Variants in SERPINA12 observed in about 807,000 individuals in gnomAD.
The protein encoded by SERPINA12 is serpin family A member 12.
Under a neutral mutation model 25.9 loss-of-function variants are expected in SERPINA12, and 21 were observed. That is an observed-to-expected ratio of 0.81 (90% confidence interval 0.58 to 1.17). SERPINA12 has a LOEUF of 1.17. Among genes scored for constraint, SERPINA12 ranks in the 50% most tolerant of loss-of-function variants. The pLI, the probability that SERPINA12 is intolerant of heterozygous loss-of-function variation, is 0.00. For synonymous variants in SERPINA12, 220 were observed against 196.0 expected (o/e 1.12, Z -1.02); for missense variants, 562 against 508.3 (o/e 1.11, Z -1.02).
intron 1 of SERPINA12, chr14:94,503,408 C>T (rs1900813280): frequency 2.9e-6 from 2 of 699,628 alleles, no homozygotes; most frequent in Admixed American, 1.3e-4. Flanking sequence ...GGCACTGGGG[C>T]ACTAGAGCAA....
upstream of SERPINA12, among the ~76,000 whole-genome samples, chr14:94,510,972 A>G (rs1046864375): frequency 6.6e-6 from 1 of 152,090 alleles, no homozygotes; most frequent in Non-Finnish European, 1.5e-5. Context: ...AGGTATAAAA[A>G]ACTACATATT....
Position 94,497,933 on chromosome 14 carries a change from C to A in SERPINA12, c.465G>T (p.Lys155Asn). ...QPQRKFLEDA[K>N]NFYSAETILT... ...GGATGGTTTCGGCACTGTAAAAGTTCTTGGCATCTTCCAAAAACTTACGCT... is the reference window on the plus strand; with the variant it reads ...GGATGGTTTCGGCACTGTAAAAGTTATTGGCATCTTCCAAAAACTTACGCT... The change falls in exon 2 of 5, where the codon AAG becomes AAT. Residue 155 changes from lysine to asparagine, a missense_variant. Coordinates refer to ENST00000677451, the MANE Select transcript of SERPINA12 (RefSeq NM_001382267.1). 6.2e-7 allele frequency: 1 copy of A among 1,614,198 alleles called. No homozygotes were observed. Among genetic ancestry groups the A allele is most frequent in the Non-Finnish European group, 8.5e-7 (1 of 1,180,048 alleles).
Position 94,491,876 on chromosome 14 carries a change from G to T in SERPINA12, c.906-2109C>A, listed in dbSNP as rs141318096. 9.1e-3 allele frequency among the ~76,000 whole-genome samples: 1,382 copies of T among 152,218 alleles called. 13 individuals are homozygous for T. The highest frequency in any genetic ancestry group is 0.037 in the Middle Eastern group (11 of 294). ...GACTCTGGAATTTGGGGGAGAACAG[G>T]GGCTGGGGATGGAAGCATGGCAGTC... On this transcript the variant is annotated intron_variant, in intron 3 of 4. Transcript: ENST00000677451.
chr14:94,501,242 C>T (rs1320353852), intron 1 of SERPINA12: 22 of 826,462 alleles, frequency 2.7e-5, no homozygotes, highest in Non-Finnish European at 1.3e-5. Flanking sequence ...GCGCAAGTTC[C>T]CAGTGCCTAG....
chr14:94,489,872 G>A lies in SERPINA12; in HGVS notation c.906-105C>T, dbSNP rs961023332. The A allele has an allele frequency of 2.7e-5, 31 of 1,150,320 alleles. No homozygotes were observed. In the Middle Eastern group the frequency reaches 8.2e-4, roughly 30 times the overall value. The allele number at this position is 1,150,320 out of a possible 1,614,324, so 71.3% of individuals were successfully genotyped here. On this transcript the variant is annotated intron_variant, in intron 3 of 4. Coordinates refer to ENST00000677451, the MANE Select transcript of SERPINA12 (RefSeq NM_001382267.1). ...AACATGTGTCCTCCCAGCCCCAAAG[G>A]TCTCCAATCTCTCTCCATCCACAGA...
upstream of SERPINA12, among the ~76,000 whole-genome samples, chr14:94,512,484 G>A (rs1471704120): frequency 1.3e-5 from 2 of 152,176 alleles, no homozygotes; most frequent in Non-Finnish European, 2.9e-5. Context: ...TATAATAGTT[G>A]TTAATAAAAT....
intron 1 of SERPINA12, among the ~76,000 whole-genome samples, chr14:94,516,866 G>T (rs991336452): frequency 1.1e-4 from 17 of 152,186 alleles, no homozygotes; most frequent in Non-Finnish European, 2.5e-4. Context: ...GTGATGAAAT[G>T]ACAGCTCCCA....
At chr14:94,508,542 T>TG (rs1425304430) in intron 1 of SERPINA12, among the ~76,000 whole-genome samples, 1 of 152,238 alleles carries the variant, frequency 6.6e-6, no homozygotes, top group Non-Finnish European at 1.5e-5. Context: ...TTACAAGTGT[T>TG]GGAATAAAAC....
At chr14:94,489,481 G>A in intron 4 of SERPINA12, 139 bp downstream of exon 4, 5 of 907,538 alleles carry the variant, frequency 5.5e-6, no homozygotes, top group Non-Finnish European at 8.2e-6. Context: ...GGGTTGGTAA[G>A]GGGCACAGCT....
At chr14:94,499,513 A>C (rs1178887802) in intron 1 of SERPINA12, among the ~76,000 whole-genome samples, 1 of 152,228 alleles carries the variant, frequency 6.6e-6, no homozygotes, top group African/African-American at 2.4e-5. Context: ...ACACCCATTT[A>C]TATGTAAAAC....
chr14:94,504,446 G>A (rs1900861994), intron 1 of SERPINA12, among the ~76,000 whole-genome samples: 1 of 152,230 alleles, frequency 6.6e-6, no homozygotes, highest in Admixed American at 6.5e-5. Context: ...ACAAGTAGAT[G>A]AGCCTAGAGT....
intron 3 of SERPINA12, among the ~76,000 whole-genome samples, chr14:94,496,151 G>C (rs974926506): frequency 3.3e-5 from 5 of 152,144 alleles, no homozygotes; most frequent in African/African-American, 1.2e-4. Context: ...CCTCCAGTAA[G>C]ACTCCATCTA....
Position 94,497,844 on chromosome 14 carries a change from G to GT in SERPINA12, c.553dup (p.Thr185AsnfsTer6). 3 of 1,614,128 alleles carry GT rather than the reference G, an allele frequency of 1.9e-6. No individual in the cohort carries two copies. The highest frequency in any genetic ancestry group is 2.5e-6 in the Non-Finnish European group (3 of 1,180,018). ...GATCAGGTTGTTAATTTTCCCATGG[G>GT]TTTTTTGACTGATAAAGTCATTGAT... is the stretch of plus-strand genomic sequence containing the variant. On this transcript the variant is annotated frameshift_variant, in exon 2 of 5. Transcript: ENST00000677451. LOFTEE classifies it high-confidence loss of function.
Position 94,496,395 on chromosome 14 carries a change from A to G in SERPINA12, c.883T>C (p.Trp295Arg). The change falls in exon 3 of 5, where the codon TGG (tryptophan) becomes CGG (arginine). Residue 295 changes from tryptophan (W) to arginine (R), a missense_variant. Physicochemically the swap from Trp to Arg is moderately radical, Grantham distance 101 (BLOSUM62 -3). Transcript: ENST00000677451. ...KGLQVDTFSR[W>R]KTLLSRRVVD... ...TACCTGCGTGACAGTAATGTTTTCC[A>G]TCTGGAGAAAGTGTCCACCTGCAAT... 2.5e-6 allele frequency: 4 copies of G among 1,614,164 alleles called. No individual in the cohort carries two copies. The highest frequency in any genetic ancestry group is 3.4e-6 in the Non-Finnish European group (4 of 1,180,032).
At chr14:94,510,589 C>T (rs1197721107), upstream of SERPINA12, among the ~76,000 whole-genome samples, 1 of 152,152 alleles carries the variant, frequency 6.6e-6, no homozygotes, top group Admixed American at 6.5e-5. Flanking sequence ...CCATTTCATC[C>T]AGCAATCCCA....
At chr14:94,509,260 C>T (rs1243260936) in intron 1 of SERPINA12, among the ~76,000 whole-genome samples, 82 bp downstream of exon 1, 4 of 147,554 alleles carry the variant, frequency 2.7e-5, no homozygotes, top group African/African-American at 5.1e-5. Flanking sequence ...GTTGTCTTCT[C>T]TAAGACAGAG....
intron 1 of SERPINA12, among the ~76,000 whole-genome samples, chr14:94,503,701 A>G (rs1386812878): frequency 6.6e-6 from 1 of 152,238 alleles, no homozygotes; most frequent in Non-Finnish European, 1.5e-5. Context: ...TTCTGCAGAA[A>G]TGCATTGAAC....
chr14:94,510,184 C>T (rs1261349071), upstream of SERPINA12: 4 of 985,274 alleles, frequency 4.1e-6, no homozygotes, highest in East Asian at 1.1e-4. Context: ...TAGGAGACTG[C>T]ATTGGATCTG....
chr14:94,503,292 G>A, intron 1 of SERPINA12: 4 of 985,152 alleles, frequency 4.1e-6, no homozygotes, highest in Non-Finnish European at 4.8e-6. Context: ...CCTCCTTTCT[G>A]GAAAACAAAG....
Sources: gnomAD v4.1 joint callset for allele counts (sites outside exome capture counted in the v4.1 genomes callset) on GRCh38, gnomAD v4.1.1 for gene constraint, MANE v1.5 for transcripts, NCBI Gene and HGNC (gene_info 2026-07-23, HGNC 2026-07-21) for gene names.